The following KIAA1958 variants were observed in gnomAD, a reference collection of about 807,000 sequenced individuals.
KIAA1958 encodes the protein KIAA1958.
A neutral mutation model predicts 47.2 loss-of-function variants in KIAA1958; 14 were observed. The ratio of observed to expected loss-of-function variants is 0.30; its 90% CI spans 0.20 to 0.46. The LOEUF (loss-of-function observed/expected upper bound fraction) is 0.46, where lower values mean the gene tolerates loss of function less well. Ranked by LOEUF, KIAA1958 falls within the 20% of genes least tolerant of loss-of-function variation. The pLI, the probability that KIAA1958 is intolerant of heterozygous loss-of-function variation, is 1.00. For missense variants in KIAA1958, 803 were observed against 909.2 expected, an observed-to-expected ratio of 0.88 and a Z score of 1.50; for synonymous variants, 354 against 353.3, an observed-to-expected ratio of 1.00 and a Z score of -0.02.
intron 1 of KIAA1958, among the ~76,000 whole-genome samples, chr9:112,533,580 C>CAAAAAAA (rs57032014): frequency 3.2e-5 from 4 of 125,420 alleles, no homozygotes; most frequent in East Asian, 4.6e-4. Flanking sequence ...GACTCCATCC[C>CAAAAAAA]AAAAAAAAAA....
chr9:112,544,917 A>T (rs967038606), intron 1 of KIAA1958, among the ~76,000 whole-genome samples: 1 of 151,236 alleles, frequency 6.6e-6, no homozygotes, highest in African/African-American at 2.4e-5. Flanking sequence ...TTTTTTTTTT[A>T]ATTTTAACTT....
chr9:112,591,457 T>G (rs1319298044), intron 2 of KIAA1958, among the ~76,000 whole-genome samples: 1 of 152,054 alleles, frequency 6.6e-6, no homozygotes. Context: ...TAAGAAAAAA[T>G]AATTTTGCTA....
rs1032405939 is a variant in KIAA1958, at chr9:112,665,773, A to T, written c.*5704A>T. 3 of 152,162 alleles carry T rather than the reference A, an allele frequency of 2.0e-5. No individual in the cohort carries two copies. Among genetic ancestry groups the T allele is most frequent in the African/African-American group, 7.2e-5 (3 of 41,432 alleles). The allele number at this position is 152,162 out of a possible 1,614,324, so 9.4% of individuals were successfully genotyped here. On this transcript the variant is annotated 3_prime_UTR_variant, in exon 4 of 4. Transcript: ENST00000337530. Reference sequence around the variant, plus strand: ...CAATAAGTAATTTATATTACCTGTCATCTACCTTAAAGGGCAGATGGTCAT... The same window carrying T: ...CAATAAGTAATTTATATTACCTGTCTTCTACCTTAAAGGGCAGATGGTCAT...
At chr9:112,548,213 T>A (rs568915598) in intron 1 of KIAA1958, among the ~76,000 whole-genome samples, 15 of 152,212 alleles carry the variant, frequency 9.9e-5, no homozygotes, top group African/African-American at 3.6e-4. Flanking sequence ...CAGGCTGGTC[T>A]TGAACTCCTG....
intron 1 of KIAA1958, among the ~76,000 whole-genome samples, chr9:112,568,525 C>T (rs1205603066): frequency 3.3e-5 from 5 of 151,988 alleles, no homozygotes; most frequent in South Asian, 2.1e-4. Context: ...TAAGTCTTCC[C>T]GATGTTTATA....
At chr9:112,531,554 G>A (rs1188057785) in intron 1 of KIAA1958, among the ~76,000 whole-genome samples, 1 of 152,160 alleles carries the variant, frequency 6.6e-6, no homozygotes, top group African/African-American at 2.4e-5. Flanking sequence ...AAATTGGCTT[G>A]TGTTACTTGT....
chr9:112,567,747 A>T (rs1835450010), intron 1 of KIAA1958, among the ~76,000 whole-genome samples: 1 of 152,030 alleles, frequency 6.6e-6, no homozygotes, highest in Non-Finnish European at 1.5e-5. Context: ...TCACGAGGTC[A>T]GGAGATTGAG....
At chr9:112,504,459 A>G (rs895929408) in intron 1 of KIAA1958, among the ~76,000 whole-genome samples, 4 of 152,150 alleles carry the variant, frequency 2.6e-5, no homozygotes, top group South Asian at 4.1e-4. Context: ...GAAGTGCTGG[A>G]ATTGCAGGCG....
chr9:112,495,188 C>T (rs555279714), intron 1 of KIAA1958, among the ~76,000 whole-genome samples: 1 of 152,250 alleles, frequency 6.6e-6, no homozygotes, highest in South Asian at 2.1e-4. Context: ...GCTGAGATTA[C>T]AGGCATGAGG....
At chr9:112,619,052 C>A (rs1836454460) in intron 2 of KIAA1958, 1 of 916,036 alleles carries the variant, frequency 1.1e-6, no homozygotes, top group Non-Finnish European at 1.4e-6. Context: ...ATATATTTTT[C>A]TTTTTACAAA....
rs542023382 is a variant in KIAA1958, at chr9:112,586,855, A to G, written c.1171+11604A>G. ...ATTCCTTGAGGTCTGAAAAGAGGAA[A>G]TAATGTACAACCTCAGGTCAAACAA... On this transcript the variant is annotated intron_variant, in intron 2 of 3. Coordinates refer to ENST00000337530, the MANE Select transcript of KIAA1958 (RefSeq NM_133465.4). Among the ~76,000 whole-genome samples the G allele has an allele frequency of 2.0e-5, 3 of 152,330 alleles. No individual in the cohort carries two copies. The South Asian group carries it at 6.2e-4, about 32-fold the overall frequency.
At chr9:112,620,492 C>T (rs967943504) in intron 2 of KIAA1958, among the ~76,000 whole-genome samples, 2 of 152,226 alleles carry the variant, frequency 1.3e-5, no homozygotes, top group Non-Finnish European at 2.9e-5. Context: ...CTCCTTCCAA[C>T]ACCAAGTCAT....
intron 1 of KIAA1958, among the ~76,000 whole-genome samples, chr9:112,501,265 C>G (rs1157629874): frequency 1.3e-5 from 2 of 151,738 alleles, no homozygotes; most frequent in African/African-American, 4.8e-5. Flanking sequence ...AAAGCAAGAC[C>G]CTTGTCTTTA....
intron 1 of KIAA1958, among the ~76,000 whole-genome samples, chr9:112,487,679 C>A (rs1229154551): frequency 3.9e-5 from 6 of 152,068 alleles, no homozygotes; most frequent in Non-Finnish European, 7.4e-5. Flanking sequence ...TTTATTGTTT[C>A]TAACGGAGGA....
intron 2 of KIAA1958, among the ~76,000 whole-genome samples, chr9:112,590,738 C>G (rs559495462): frequency 6.6e-6 from 1 of 152,078 alleles, no homozygotes; most frequent in Non-Finnish European, 1.5e-5. Context: ...TAGGGGCCAA[C>G]GTAATGATGA....
intron 1 of KIAA1958, among the ~76,000 whole-genome samples, chr9:112,553,645 C>A (rs995089974): frequency 1.3e-5 from 2 of 152,172 alleles, no homozygotes; most frequent in Admixed American, 1.3e-4. Context: ...CTACATTACA[C>A]TGTGTACTGT....
rs756870637 is a variant in KIAA1958 at position 112,659,871 on chromosome 9, C to T, written c.1953C>T (p.Pro651=). The change falls in exon 4 of 4, where the codon CCC becomes CCT. Residue 651 remains proline, a synonymous_variant. Transcript: ENST00000337530. ...CCACCCAAATGGAGGCCAAGTCCCC[C>T]TTCTACCTGACTGCCAGGAAGGAGG... The part of the protein sequence containing the change: ...RPPTQMEAKS[P]FYLTARKEAT... 7.4e-6 allele frequency: 12 copies of T among 1,614,032 alleles called. No homozygotes were observed. In the African/African-American group the frequency reaches 1.5e-4, roughly 20 times the overall value.
rs1833956151 is a variant in KIAA1958 at position 112,490,842 on chromosome 9, CAT to C, written c.-25+3725_-25+3726del. On this transcript the variant is annotated intron_variant, in intron 1 of 3. Transcript: ENST00000337530. ...TGACAAAGAAGATGTATTTCAGAAA[CAT>C]GTTATTACACTTGAAAATAATATGG... Among the ~76,000 whole-genome samples the C allele has an allele frequency of 2.0e-5, 3 of 152,210 alleles. No homozygotes were observed. The South Asian group carries it at 6.2e-4, about 32-fold the overall frequency.
intron 2 of KIAA1958, among the ~76,000 whole-genome samples, chr9:112,579,730 C>T (rs564609707): frequency 6.6e-5 from 10 of 152,208 alleles, no homozygotes; most frequent in African/African-American, 2.4e-4. Context: ...AAAAATTACT[C>T]ATGTAAAATT....
Sources: gnomAD v4.1 joint callset for allele counts (sites outside exome capture counted in the v4.1 genomes callset) on GRCh38, gnomAD v4.1.1 for gene constraint, MANE v1.5 for transcripts, NCBI Gene and HGNC (gene_info 2026-07-23, HGNC 2026-07-21) for gene names.